ABLIM2: variants seen among roughly 807,000 people sequenced by gnomAD.
The protein encoded by ABLIM2 is actin-binding LIM protein 2.
In ABLIM2, 53 loss-of-function variants were observed where a neutral mutation model predicts 97.7. The ratio of observed to expected loss-of-function variants is 0.54; its 90% CI spans 0.44 to 0.68. The LOEUF is 0.68. Ranked by LOEUF, ABLIM2 falls within the 30% of genes least tolerant of loss-of-function variation. The pLI, the probability that ABLIM2 is intolerant of heterozygous loss-of-function variation, is 0.00. For synonymous variants in ABLIM2, 361 were observed against 345.8 expected (o/e 1.04, Z -0.49); for missense variants, 835 against 867.2 (o/e 0.96, Z 0.47).
chr4:8,097,040 G>A, intron 3 of ABLIM2, 59 bp downstream of exon 3: 1 of 1,525,690 alleles, frequency 6.6e-7, no homozygotes. Flanking sequence ...AGGGAGGGAG[G>A]GAAGGAGAAA....
intron 6 of ABLIM2, among the ~76,000 whole-genome samples, chr4:8,062,692 G>A (rs1476386208): frequency 2.6e-5 from 4 of 152,128 alleles, no homozygotes; most frequent in Non-Finnish European, 5.9e-5. Context: ...GCCCGCCTCA[G>A]CCTCCCAAAG....
At position 8,002,184 on chromosome 4, in the gene ABLIM2, C is replaced by T. The variant is rs1022163272; in HGVS notation, c.1618+5875G>A. On this transcript the variant is annotated intron_variant, in intron 16 of 20. Coordinates refer to ENST00000447017, the MANE Select transcript of ABLIM2 (RefSeq NM_001130083.2). The surrounding 1 kb of genome is among the most constrained non-coding windows in gnomAD (Gnocchi z 6.1). ...CTCAGTCTCTGCCTCCAGCCTGGAC[C>T]TCTCCTCTGAGCTCCGTCTGCCCCC... Among the ~76,000 whole-genome samples the T allele has an allele frequency of 6.6e-6, 1 of 152,140 alleles. No individual in the cohort carries two copies. The highest frequency in any genetic ancestry group is 2.4e-5 in the African/African-American group (1 of 41,442).
At position 8,005,299 on chromosome 4, in the gene ABLIM2, G is replaced by A. The variant is rs1760450274; in HGVS notation, c.1618+2760C>T. 1.9e-6 allele frequency: 1 copy of A among 530,820 alleles called. No homozygotes were observed. Among genetic ancestry groups the A allele is most frequent in the Admixed American group, 1.9e-5 (1 of 51,568 alleles). The allele number at this position is 530,820 out of a possible 1,614,324, so 32.9% of individuals were successfully genotyped here. A position where few individuals can be genotyped will look rare whatever the true frequency, so the allele number is the denominator to read the frequency against. On this transcript the variant is annotated intron_variant, in intron 16 of 20. Transcript: ENST00000447017. This position sits in a 1 kb window ranked among gnomAD's most constrained non-coding sequence, Gnocchi z 4.9. ...CCCCTCGGCGCCCCGCTCAGCGTCT[G>A]GCACAGAGTGGGTGCTCAATAAATA...
At chr4:8,097,473 C>T (rs983305165) in intron 2 of ABLIM2, among the ~76,000 whole-genome samples, 191 bp from the exon 3 acceptor site, 1 of 152,216 alleles carries the variant, frequency 6.6e-6, no homozygotes, top group Non-Finnish European at 1.5e-5. Context: ...GCTCTGGCCC[C>T]TGGCCTGGTG....
rs1330455680 is a variant in ABLIM2, at chr4:8,125,030, A to G, written c.11-18393T>C. ...CCCTCTGGGAGTCTTCTTTGTAAAAATGTCGATGCAGATGCTTTGCCCATT... is the reference window on the plus strand; with the variant it reads ...CCCTCTGGGAGTCTTCTTTGTAAAAGTGTCGATGCAGATGCTTTGCCCATT... On this transcript the variant is annotated intron_variant, in intron 1 of 20. Coordinates refer to ENST00000447017, the MANE Select transcript of ABLIM2 (RefSeq NM_001130083.2). This position sits in a 1 kb window ranked among gnomAD's most constrained non-coding sequence, Gnocchi z 6.2. Among the ~76,000 whole-genome samples, 3 of 152,198 alleles carry G rather than the reference A, an allele frequency of 2.0e-5. No homozygotes were observed. Among genetic ancestry groups the G allele is most frequent in the Non-Finnish European group, 2.9e-5 (2 of 68,040 alleles).
intron 11 of ABLIM2, among the ~76,000 whole-genome samples, chr4:8,028,729 A>C (rs1219760989): frequency 6.7e-6 from 1 of 149,662 alleles, no homozygotes; most frequent in Non-Finnish European, 1.5e-5. Context: ...TCATTCATGC[A>C]CTCACTCACT....
intron 17 of ABLIM2, among the ~76,000 whole-genome samples, chr4:7,988,271 C>T (rs1419178110): frequency 6.6e-6 from 1 of 152,188 alleles, no homozygotes; most frequent in African/African-American, 2.4e-5. Flanking sequence ...GATCTGCCCG[C>T]CTTGGCCTCC....
chr4:8,077,851 A>G (rs1817272370), intron 5 of ABLIM2, 130 bp from the exon 6 acceptor site: 5 of 729,120 alleles, frequency 6.9e-6, no homozygotes, highest in South Asian at 1.8e-5. Flanking sequence ...TCAGGTAACA[A>G]TGCTTCCAAC....
chr4:8,047,107 C>G (rs1269267288), intron 8 of ABLIM2, among the ~76,000 whole-genome samples: 1 of 152,232 alleles, frequency 6.6e-6, no homozygotes, highest in Non-Finnish European at 1.5e-5. Flanking sequence ...GGATGGGCAA[C>G]ATCAGCGCCG....
At chr4:8,129,952 G>A (rs990834851) in intron 1 of ABLIM2, among the ~76,000 whole-genome samples, 3 of 152,358 alleles carry the variant, frequency 2.0e-5, no homozygotes, top group Admixed American at 6.5e-5. Context: ...CCCAGGACGT[G>A]GGCCAGGGAG....
rs1312664597 is a variant in ABLIM2, at chr4:8,130,464, G to A, written c.11-23827C>T. ...GGCTATGGCAGGGAGAGTGGACGCCGGCGCCGGGCACTGATCTGGGCCTTT... is the reference window on the plus strand; with the variant it reads ...GGCTATGGCAGGGAGAGTGGACGCCAGCGCCGGGCACTGATCTGGGCCTTT... On this transcript the variant is annotated intron_variant, in intron 1 of 20. Coordinates refer to ENST00000447017, the MANE Select transcript of ABLIM2 (RefSeq NM_001130083.2). This position sits in a 1 kb window ranked among gnomAD's most constrained non-coding sequence, Gnocchi z 4.2. Among the ~76,000 whole-genome samples, 5 of 152,180 alleles carry A rather than the reference G, an allele frequency of 3.3e-5. No homozygotes were observed. The highest frequency in any genetic ancestry group is 7.2e-5 in the African/African-American group (3 of 41,446).
chr4:8,104,057 C>T (rs1054914889), intron 2 of ABLIM2, among the ~76,000 whole-genome samples: 1 of 152,226 alleles, frequency 6.6e-6, no homozygotes. Context: ...CCACTAGCTG[C>T]AGGGAGAGAA....
At chr4:8,118,566 C>T (rs569552199) in intron 1 of ABLIM2, among the ~76,000 whole-genome samples, 1 of 152,338 alleles carries the variant, frequency 6.6e-6, no homozygotes, top group South Asian at 2.1e-4. Context: ...GTCCCTCCCC[C>T]ATTCAAGAAC....
rs1375092576 is a variant in ABLIM2, at chr4:8,140,141, A to G, written c.10+18539T>C. Among the ~76,000 whole-genome samples, 1 of 151,930 alleles carries G rather than the reference A, an allele frequency of 6.6e-6. No homozygotes were observed. The highest frequency in any genetic ancestry group is 1.5e-5 in the Non-Finnish European group (1 of 67,978). ...GGGAGAGCATCAGGATAAATAGCTA[A>G]TGCACGCAGGGCTCAATACCTTGGT... On this transcript the variant is annotated intron_variant, in intron 1 of 20. Transcript: ENST00000447017. The surrounding 1 kb of genome is among the most constrained non-coding windows in gnomAD (Gnocchi z 5.9).
rs1560408534 is a variant in ABLIM2, at chr4:7,983,536, GC to G, written c.1743+10del. 17 of 1,612,932 alleles carry G rather than the reference GC, an allele frequency of 1.1e-5. No homozygotes were observed. Among genetic ancestry groups the G allele is most frequent in the Non-Finnish European group, 1.4e-5 (17 of 1,179,682 alleles). On this transcript the variant is annotated intron_variant, in intron 19 of 20. Coordinates refer to ENST00000447017, the MANE Select transcript of ABLIM2 (RefSeq NM_001130083.2). ...CGGCACGGAGGTCAGTGTGGGAGCGGCCCCGCTTACCTTGTATTCTGTAAGA... is the reference window on the plus strand; with the variant it reads ...CGGCACGGAGGTCAGTGTGGGAGCGGCCCGCTTACCTTGTATTCTGTAAGA...
At chr4:8,000,914 G>A (rs981172723) in intron 16 of ABLIM2, among the ~76,000 whole-genome samples, 1 of 152,188 alleles carries the variant, frequency 6.6e-6, no homozygotes, top group Non-Finnish European at 1.5e-5. Flanking sequence ...AGAGGTCAAA[G>A]TCACCGCTGG....
At chr4:8,118,300 A>G (rs1475658382) in intron 1 of ABLIM2, among the ~76,000 whole-genome samples, 1 of 152,150 alleles carries the variant, frequency 6.6e-6, no homozygotes, top group Non-Finnish European at 1.5e-5. Context: ...TCATGTCTAG[A>G]GGCCCTTGAG....
At chr4:8,119,507 T>C (rs1287919606) in intron 1 of ABLIM2, among the ~76,000 whole-genome samples, 3 of 151,952 alleles carry the variant, frequency 2.0e-5, no homozygotes, top group Admixed American at 2.0e-4. Flanking sequence ...TTTGTATTTC[T>C]AGTAGAGATG....
Position 8,149,377 on chromosome 4 carries a change from C to T in ABLIM2, c.10+9303G>A, listed in dbSNP as rs941117226. On this transcript the variant is annotated intron_variant, in intron 1 of 20. Coordinates refer to ENST00000447017, the MANE Select transcript of ABLIM2 (RefSeq NM_001130083.2). The surrounding 1 kb of genome is among the most constrained non-coding windows in gnomAD (Gnocchi z 6.4). ...GGCACCTTTGAGTCCACTGTTCAGC[C>T]CCCCAACACCATCCAAGAGGAGGTA... Among the ~76,000 whole-genome samples, 4 of 152,066 alleles carry T rather than the reference C, an allele frequency of 2.6e-5. No individual in the cohort carries two copies. Among genetic ancestry groups the T allele is most frequent in the Non-Finnish European group, 5.9e-5 (4 of 68,012 alleles).
Sources: allele counts gnomAD v4.1 joint callset (sites outside exome capture counted in the v4.1 genomes callset), GRCh38; gene constraint gnomAD v4.1.1; non-coding constraint Gnocchi (gnomAD v3.1); transcripts MANE v1.5; gene names NCBI Gene and HGNC (gene_info 2026-07-23, HGNC 2026-07-21).